FAM3C: variants seen among roughly 807,000 people sequenced by gnomAD.
The protein encoded by FAM3C is protein FAM3C.
A neutral mutation model predicts 32.5 loss-of-function variants in FAM3C; 15 were observed. That is an observed-to-expected ratio of 0.46 (90% confidence interval 0.31 to 0.71). The LOEUF is 0.71. Ranked by LOEUF, FAM3C falls within the 30% of genes least tolerant of loss-of-function variation. The probability of loss-of-function intolerance (pLI) is 0.05; values close to 1 mark genes in which losing one functional copy is unlikely to be tolerated. For missense variants in FAM3C, 175 were observed against 274.4 expected, an observed-to-expected ratio of 0.64 and a Z score of 2.56; for synonymous variants, 75 against 86.1, an observed-to-expected ratio of 0.87 and a Z score of 0.72.
At chr7:121,355,960 A>G (rs1793799849) in intron 8 of FAM3C, among the ~76,000 whole-genome samples, 1 of 152,096 alleles carries the variant, frequency 6.6e-6, no homozygotes, top group Non-Finnish European at 1.5e-5. Context: ...ACAAGGATAA[A>G]TGAAAATAAA....
chr7:121,348,993 C>A lies in FAM3C; in HGVS notation c.*1468G>T, dbSNP rs570325273. The A allele has an allele frequency of 3.8e-3, 578 of 152,154 alleles. 9 individuals are homozygous for A. The highest frequency in any genetic ancestry group is 7.2e-4 in the Non-Finnish European group (49 of 67,874). 9.4% of individuals were successfully genotyped at this position (152,154 alleles called of 1,614,324 possible). A position where few individuals can be genotyped will look rare whatever the true frequency, so the allele number is the denominator to read the frequency against. On this transcript the variant is annotated 3_prime_UTR_variant, in exon 10 of 10. Transcript: ENST00000359943. ...TATTTTAAATGTCAAAATACACATG[C>A]TGAATGTGATTTAGCATATAAGCAC... is the stretch of plus-strand genomic sequence containing the variant.
At chr7:121,369,171 G>A (rs1048616506) in intron 5 of FAM3C, among the ~76,000 whole-genome samples, 2 of 151,764 alleles carry the variant, frequency 1.3e-5, no homozygotes, top group African/African-American at 4.8e-5. Flanking sequence ...AGTAAAGACG[G>A]GGTTTCACCA....
intron 1 of FAM3C, 34 bp from the exon 2 acceptor site, chr7:121,383,044 G>T: frequency 1.7e-6 from 2 of 1,163,038 alleles, no homozygotes; most frequent in Non-Finnish European, 2.5e-6. Flanking sequence ...AATATCATTA[G>T]CTCTAGAGCA....
intron 2 of FAM3C, among the ~76,000 whole-genome samples, chr7:121,379,379 A>G (rs1172969668): frequency 6.6e-6 from 1 of 151,968 alleles, no homozygotes; most frequent in African/African-American, 2.4e-5. Flanking sequence ...TATAAGGAGC[A>G]ATACTAGATA....
At chr7:121,356,811 C>T (rs1239543152) in intron 8 of FAM3C, among the ~76,000 whole-genome samples, 1 of 152,090 alleles carries the variant, frequency 6.6e-6, no homozygotes, top group Non-Finnish European at 1.5e-5. Context: ...ACCATTATCT[C>T]CTTTATAACC....
chr7:121,364,441 A>C, intron 5 of FAM3C: 1 of 389,784 alleles, frequency 2.6e-6, no homozygotes, highest in Non-Finnish European at 4.6e-6. Flanking sequence ...GAAATAATAG[A>C]CCATTTTTGT....
intron 1 of FAM3C, 127 bp from the exon 2 acceptor site, chr7:121,383,137 G>T: frequency 4.0e-6 from 2 of 504,570 alleles, no homozygotes; most frequent in Non-Finnish European, 6.8e-6. Context: ...TGCCAACATT[G>T]GCATTAAAAA....
intron 2 of FAM3C, among the ~76,000 whole-genome samples, chr7:121,380,902 G>A (rs1372984060): frequency 6.6e-6 from 1 of 151,890 alleles, no homozygotes; most frequent in Admixed American, 6.6e-5. Context: ...TTTGCCTAAG[G>A]TCACATAACT....
chr7:121,362,558 A>G (rs1793946913), intron 7 of FAM3C: 2 of 224,148 alleles, frequency 8.9e-6, no homozygotes, highest in Admixed American at 1.2e-4. Context: ...CTGGTCTTCA[A>G]ATTACTTTTT....
chr7:121,371,371 C>T lies in FAM3C; in HGVS notation c.201G>A (p.Lys67=). 6.2e-7 allele frequency: 1 copy of T among 1,613,944 alleles called. No individual in the cohort carries two copies. The highest frequency in any genetic ancestry group is 1.1e-5 in the South Asian group (1 of 91,084). Residue 67 remains lysine, a synonymous_variant, in exon 5 of 10, where the codon AAG becomes AAA. Transcript: ENST00000359943. ...CACTTGCCATTTTAAAAGCAAAATG[C>T]TTCTCAGGGCAAGCTTTTGAGATCC... The part of the protein sequence containing the change: ...KCGISKACPE[K]HFAFKMASGA...
At chr7:121,393,484 A>G (rs1794620737) in intron 1 of FAM3C, among the ~76,000 whole-genome samples, 1 of 152,210 alleles carries the variant, frequency 6.6e-6, no homozygotes, top group Non-Finnish European at 1.5e-5. Context: ...ACAGGAATTT[A>G]ATTTAAAAAA....
At chr7:121,369,693 T>C (rs1794103232) in intron 5 of FAM3C, among the ~76,000 whole-genome samples, 1 of 152,162 alleles carries the variant, frequency 6.6e-6, no homozygotes, top group African/African-American at 2.4e-5. Context: ...AACATTAGGC[T>C]GAGGGATAGA....
At chr7:121,382,549 G>GTTTTT (rs3068115) in intron 2 of FAM3C, among the ~76,000 whole-genome samples, 1 of 130,780 alleles carries the variant, frequency 7.6e-6, no homozygotes, top group Non-Finnish European at 1.6e-5. Context: ...CAGTCTTTAG[G>GTTTTT]TTTTTTTTTT....
chr7:121,382,605 A>G (rs1467995697), intron 2 of FAM3C, among the ~76,000 whole-genome samples: 3 of 148,862 alleles, frequency 2.0e-5, no homozygotes, highest in African/African-American at 7.5e-5. Flanking sequence ...TACCAGCTGA[A>G]CTTCCCAAAT....
At chr7:121,393,539 T>C (rs1471278105) in intron 1 of FAM3C, among the ~76,000 whole-genome samples, 1 of 152,048 alleles carries the variant, frequency 6.6e-6, no homozygotes, top group African/African-American at 2.4e-5. Context: ...AAATCATGAA[T>C]AGCGGATTTT....
Position 121,362,883 on chromosome 7 carries a change from T to C in FAM3C, c.382+14A>G. On this transcript the variant is annotated intron_variant, in intron 7 of 9. Coordinates refer to ENST00000359943, the MANE Select transcript of FAM3C (RefSeq NM_014888.3). The stretch of plus-strand genomic sequence containing the variant: ...GTGCCAGCAAAAGAACACAGTCATG[T>C]TATTTATGCTTACCTCCTCCCCACA... 6.8e-7 allele frequency: 1 copy of C among 1,475,212 alleles called. No individual in the cohort carries two copies. 91.4% of individuals were successfully genotyped at this position (1,475,212 alleles called of 1,614,324 possible).
chr7:121,360,236 C>A, intron 7 of FAM3C, 109 bp from the exon 8 acceptor site: 3 of 642,156 alleles, frequency 4.7e-6, no homozygotes, highest in Non-Finnish European at 5.6e-6. Context: ...GCAATAATTT[C>A]CAATGTAAAG....
chr7:121,368,229 G>A (rs1794063325), intron 5 of FAM3C, among the ~76,000 whole-genome samples: 1 of 152,122 alleles, frequency 6.6e-6, no homozygotes, highest in African/African-American at 2.4e-5. Context: ...GCTGACCTAT[G>A]CACTGAAAGA....
intron 5 of FAM3C, among the ~76,000 whole-genome samples, chr7:121,370,508 C>T (rs915918828): frequency 2.6e-5 from 4 of 152,004 alleles, no homozygotes; most frequent in Non-Finnish European, 5.9e-5. Context: ...TTAAATAAGC[C>T]CCCATGTCTA....
Sources: allele counts gnomAD v4.1 joint callset (sites outside exome capture counted in the v4.1 genomes callset), GRCh38; gene constraint gnomAD v4.1.1; transcripts MANE v1.5; gene names NCBI Gene and HGNC (gene_info 2026-07-23, HGNC 2026-07-21).